Variants in DPP6 observed in about 807,000 individuals in gnomAD.
DPP6 encodes the protein A-type potassium channel modulatory protein DPP6.
In DPP6, 69 loss-of-function variants were observed where a neutral mutation model predicts 122.6. That is an observed-to-expected ratio of 0.56 (90% CI 0.46 to 0.69). The LOEUF (loss-of-function observed/expected upper bound fraction) is 0.69, where lower values mean the gene tolerates loss of function less well. Among genes scored for constraint, DPP6 ranks in the 30% least tolerant of loss-of-function variants. The pLI is 0.00. For missense variants in DPP6, 928 were observed against 1,116.9 expected, an observed-to-expected ratio of 0.83 and a Z score of 2.41; for synonymous variants, 418 against 433.1, an observed-to-expected ratio of 0.97 and a Z score of 0.43.
chr7:154,314,689 T>C (rs1807276046), intron 1 of DPP6, among the ~76,000 whole-genome samples: 1 of 151,966 alleles, frequency 6.6e-6, no homozygotes, highest in African/African-American at 2.4e-5. Context: ...CTCAGAGAGG[T>C]TGAGTAAATT....
At chr7:154,368,206 G>A (rs1259238674) in intron 1 of DPP6, among the ~76,000 whole-genome samples, 1 of 152,168 alleles carries the variant, frequency 6.6e-6, no homozygotes, top group Non-Finnish European at 1.5e-5. Context: ...CAAACATGAA[G>A]TCAGCCGACT....
intron 18 of DPP6, among the ~76,000 whole-genome samples, chr7:154,870,894 C>T (rs1186872049): frequency 1.4e-5 from 2 of 140,030 alleles, no homozygotes; most frequent in Non-Finnish European, 3.0e-5. Context: ...ACCCAGGAGG[C>T]GGAAGTTGCA....
intron 1 of DPP6, among the ~76,000 whole-genome samples, chr7:153,891,006 ACTT>A (rs1280399405): frequency 2.4e-5 from 3 of 126,538 alleles, no homozygotes; most frequent in Non-Finnish European, 4.9e-5. Flanking sequence ...CCAGTTTAGA[ACTT>A]CTATTTTAAT....
chr7:154,022,799 C>A (rs1322874036), intron 1 of DPP6, among the ~76,000 whole-genome samples: 1 of 152,108 alleles, frequency 6.6e-6, no homozygotes, highest in South Asian at 2.1e-4. Flanking sequence ...TCTTTCCTGG[C>A]AATTGAAAGA....
chr7:153,928,193 G>A (rs985573084), intron 1 of DPP6, among the ~76,000 whole-genome samples: 4 of 151,336 alleles, frequency 2.6e-5, no homozygotes, highest in African/African-American at 7.3e-5. Flanking sequence ...TGTCTACTGA[G>A]GGCCAGTTTT....
chr7:154,074,174 G>T (rs1404413424), intron 1 of DPP6, among the ~76,000 whole-genome samples: 1 of 92,312 alleles, frequency 1.1e-5, no homozygotes. Flanking sequence ...GCTATATATA[G>T]AGAGAAAGAG....
At chr7:154,423,466 T>G (rs569637687) in intron 1 of DPP6, among the ~76,000 whole-genome samples, 3 of 152,214 alleles carry the variant, frequency 2.0e-5, no homozygotes, top group Admixed American at 2.0e-4. Flanking sequence ...CACTTCTGGT[T>G]GGGGGACAGC....
chr7:154,547,850 G>C (rs912371282), intron 4 of DPP6, among the ~76,000 whole-genome samples: 1 of 151,964 alleles, frequency 6.6e-6, no homozygotes, highest in Non-Finnish European at 1.5e-5. Flanking sequence ...AGATAGAACA[G>C]AAAACAAGTA....
At chr7:154,822,530 C>T (rs1428298966) in intron 16 of DPP6, among the ~76,000 whole-genome samples, 1 of 152,148 alleles carries the variant, frequency 6.6e-6, no homozygotes, top group Admixed American at 6.5e-5. Flanking sequence ...GGGACACAAA[C>T]ATTCAAACCA....
At chr7:154,156,299 A>G (rs1207534742) in intron 1 of DPP6, among the ~76,000 whole-genome samples, 7 of 152,268 alleles carry the variant, frequency 4.6e-5, no homozygotes, top group Non-Finnish European at 1.5e-5. Context: ...TGGCCTGTTC[A>G]TTTTGGATGA....
intron 1 of DPP6, among the ~76,000 whole-genome samples, chr7:153,914,591 T>G (rs1048422370): frequency 3.9e-5 from 6 of 152,244 alleles, no homozygotes; most frequent in Non-Finnish European, 8.8e-5. Context: ...TATTTAGAGT[T>G]GTGCTACCAT....
intron 10 of DPP6, among the ~76,000 whole-genome samples, chr7:154,780,021 A>G (rs1200878087): frequency 3.3e-5 from 5 of 152,206 alleles, no homozygotes; most frequent in Non-Finnish European, 7.3e-5. Context: ...TAAAGAAATC[A>G]TCTGGCTACC....
At chr7:154,883,439 T>G (rs1452501054) in intron 21 of DPP6, 2 of 83,944 alleles carry the variant, frequency 2.4e-5, no homozygotes, top group African/African-American at 5.1e-5. Context: ...CACGCTCACA[T>G]TCACACACAT....
In DPP6 at chr7:154,755,832, AAT is replaced by A. The variant is rs536117248; in HGVS notation, c.884-13584_884-13583del. 1.9e-3 allele frequency among the ~76,000 whole-genome samples: 296 copies of A among 152,238 alleles called. No homozygotes were observed. The highest frequency in any genetic ancestry group is 6.9e-3 in the African/African-American group (285 of 41,546). On this transcript the variant is annotated intron_variant, in intron 8 of 25. Transcript: ENST00000377770. The surrounding 1 kb of genome is among the most constrained non-coding windows in gnomAD (Gnocchi z 4.7). Reference sequence around the variant, plus strand: ...GGAGTGGGGCGCGTCCCAGGTCGGGAATGTTAGGACAAGGTGGCCTCTGTCTT... The same window carrying A: ...GGAGTGGGGCGCGTCCCAGGTCGGGAGTTAGGACAAGGTGGCCTCTGTCTT...
chr7:154,680,656 C>T (rs1223071113), intron 7 of DPP6, among the ~76,000 whole-genome samples: 1 of 150,612 alleles, frequency 6.6e-6, no homozygotes, highest in Non-Finnish European at 1.5e-5. Flanking sequence ...CCTTCTAAAA[C>T]TTTCTTGGTT....
At chr7:154,554,352 A>G (rs1829864506) in intron 4 of DPP6, among the ~76,000 whole-genome samples, 1 of 151,804 alleles carries the variant, frequency 6.6e-6, no homozygotes, top group Non-Finnish European at 1.5e-5. Flanking sequence ...TTGTATATTT[A>G]GGGTTTTTTT....
chr7:154,883,345 C>T (rs750099540), intron 21 of DPP6, among the ~76,000 whole-genome samples: 1 of 150,070 alleles, frequency 6.7e-6, no homozygotes, highest in Non-Finnish European at 1.5e-5. Context: ...CACACACACG[C>T]TCATACACAC....
chr7:153,970,456 T>C (rs1795967959), intron 1 of DPP6, among the ~76,000 whole-genome samples: 1 of 152,326 alleles, frequency 6.6e-6, no homozygotes, highest in Admixed American at 6.5e-5. Context: ...TCTTTAACAA[T>C]CTTAATAGTG....
the DPP6 span, among the ~76,000 whole-genome samples, chr7:153,777,308 A>G: frequency 2.6e-5 from 4 of 151,816 alleles, no homozygotes; most frequent in Non-Finnish European, 5.9e-5. Context: ...AAAATGTTTC[A>G]TCTCCCATGG....
Sources: gnomAD v4.1 joint callset for allele counts (sites outside exome capture counted in the v4.1 genomes callset) on GRCh38, gnomAD v4.1.1 for gene constraint, Gnocchi (gnomAD v3.1) non-coding constraint, MANE v1.5 for transcripts, NCBI Gene and HGNC (gene_info 2026-07-23, HGNC 2026-07-21) for gene names.